The following NOX4 variants were observed in gnomAD, a reference collection of about 807,000 sequenced individuals.
NOX4 encodes the protein NADPH oxidase 4.
NOX4 carries 69 observed loss-of-function variants against 87.6 expected under a neutral mutation model. The ratio of observed to expected loss-of-function variants is 0.79; its 90% confidence interval spans 0.65 to 0.96. The LOEUF is 0.96. Among genes scored for constraint, NOX4 ranks in the 40% least tolerant of loss-of-function variants. NOX4 has a pLI of 0.00. For synonymous variants in NOX4, 275 were observed against 238.2 expected (o/e 1.15, Z -1.42); for missense variants, 680 against 681.5 (o/e 1.00, Z 0.02).
intron 12 of NOX4, among the ~76,000 whole-genome samples, chr11:89,357,927 TAC>T (rs551311603): frequency 6.6e-5 from 10 of 151,052 alleles, no homozygotes; most frequent in South Asian, 6.3e-4. Context: ...TGTGTGTGCA[TAC>T]ACACACACAC....
At chr11:89,534,524 T>C in the NOX4 span, among the ~76,000 whole-genome samples, 1 of 152,212 alleles carries the variant, frequency 6.6e-6, no homozygotes, top group South Asian at 2.1e-4. Flanking sequence ...TAGTTGAATT[T>C]CCCACAGAAT....
intron 8 of NOX4, among the ~76,000 whole-genome samples, chr11:89,417,006 C>T (rs936693992): frequency 2.0e-5 from 3 of 152,114 alleles, no homozygotes; most frequent in African/African-American, 7.2e-5. Context: ...GGACCTTCCC[C>T]TCTATCATTT....
intron 7 of NOX4, among the ~76,000 whole-genome samples, chr11:89,430,755 A>G (rs11018612): frequency 0.072 from 10,971 of 152,240 alleles, 662 homozygotes; most frequent in South Asian, 0.2. Context: ...GGAAGAATCA[A>G]TATCGTGAAA....
chr11:89,343,394 A>G (rs528439028), intron 13 of NOX4, among the ~76,000 whole-genome samples: 2 of 152,240 alleles, frequency 1.3e-5, no homozygotes, highest in East Asian at 1.9e-4. Flanking sequence ...TAAGTCCAGT[A>G]TGAGCTGGGA....
chr11:89,456,829 C>T (rs1945223748), intron 2 of NOX4, among the ~76,000 whole-genome samples: 1 of 152,104 alleles, frequency 6.6e-6, no homozygotes, highest in Admixed American at 6.5e-5. Flanking sequence ...CTAGGGTGCC[C>T]ATCCCCAAAG....
intron 15 of NOX4, among the ~76,000 whole-genome samples, chr11:89,338,170 A>C (rs1052931517): frequency 7.2e-5 from 11 of 152,204 alleles, no homozygotes; most frequent in African/African-American, 2.6e-4. Context: ...GCAAGGATGC[A>C]TATGTAGAGA....
intron 12 of NOX4, among the ~76,000 whole-genome samples, chr11:89,366,700 GAAAA>G (rs11314993): frequency 1.8e-5 from 2 of 113,118 alleles, no homozygotes; most frequent in Admixed American, 9.3e-5. Context: ...AAACTGAAAA[GAAAA>G]AAAAAAAAAA....
At chr11:89,348,258 C>T (rs191230371) in intron 13 of NOX4, among the ~76,000 whole-genome samples, 39 of 151,934 alleles carry the variant, frequency 2.6e-4, no homozygotes, top group South Asian at 8.3e-4. Context: ...CTACTAAAAA[C>T]GCAAAAATTA....
upstream of NOX4, chr11:89,499,112 AT>A (rs1946991077): frequency 6.6e-6 from 1 of 152,412 alleles, no homozygotes; most frequent in Non-Finnish European, 1.5e-5. Context: ...CGCAAGAGGC[AT>A]TTGTAGCTAG....
the NOX4 span, among the ~76,000 whole-genome samples, chr11:89,585,853 C>G: frequency 0.34 from 50,966 of 151,558 alleles, 8,858 homozygotes; most frequent in Middle Eastern, 0.4. Context: ...AAAGAATCTG[C>G]TGACTGATTC....
intron 2 of NOX4, among the ~76,000 whole-genome samples, chr11:89,474,523 G>T (rs1946085243): frequency 6.7e-6 from 1 of 149,400 alleles, no homozygotes; most frequent in African/African-American, 2.5e-5. Flanking sequence ...AATAAATTAT[G>T]GTGTACATTA....
upstream of NOX4, among the ~76,000 whole-genome samples, chr11:89,502,567 A>T (rs1375360604): frequency 6.6e-6 from 1 of 151,860 alleles, no homozygotes; most frequent in Non-Finnish European, 1.5e-5. Flanking sequence ...GAATGGATTG[A>T]CTCTTACATG....
chr11:89,512,518 T>C, the NOX4 span, among the ~76,000 whole-genome samples: 1 of 152,096 alleles, frequency 6.6e-6, no homozygotes. Flanking sequence ...AGTAGAATCA[T>C]GCTGTATTCA....
intron 8 of NOX4, among the ~76,000 whole-genome samples, chr11:89,409,962 G>A (rs1942389339): frequency 6.6e-6 from 1 of 152,042 alleles, no homozygotes; most frequent in Non-Finnish European, 1.5e-5. Flanking sequence ...GCTGGATCAT[G>A]CCTGTAAACC....
rs1945146977 is a variant in NOX4 at position 89,324,516 on chromosome 11, T to G, written c.*2240A>C. ...TGACCTATGTTTAACATTTAACATT[T>G]GAACACCTACTGGAACTTAAATAAG... On this transcript the variant is annotated 3_prime_UTR_variant, in exon 18 of 18. Transcript: ENST00000263317. 1 of 152,184 alleles carries G rather than the reference T, an allele frequency of 6.6e-6. No individual in the cohort carries two copies. The highest frequency in any genetic ancestry group is 1.5e-5 in the Non-Finnish European group (1 of 68,042). The allele number at this position is 152,184 out of a possible 1,614,324, so 9.4% of individuals were successfully genotyped here. A position where few individuals can be genotyped will look rare whatever the true frequency, so the allele number is the denominator to read the frequency against.
chr11:89,512,320 T>C, the NOX4 span, among the ~76,000 whole-genome samples: 2 of 152,088 alleles, frequency 1.3e-5, no homozygotes, highest in Admixed American at 1.3e-4. Context: ...TTGTCAAGTG[T>C]ACAATACAAT....
At chr11:89,531,578 T>C in the NOX4 span, among the ~76,000 whole-genome samples, 1 of 152,182 alleles carries the variant, frequency 6.6e-6, no homozygotes, top group African/African-American at 2.4e-5. Flanking sequence ...TGAGAGTGAC[T>C]GGGTCATGGG....
At chr11:89,547,557 A>T in the NOX4 span, among the ~76,000 whole-genome samples, 2 of 152,178 alleles carry the variant, frequency 1.3e-5, no homozygotes, top group African/African-American at 4.8e-5. Context: ...TTCATGTCTC[A>T]CCCTAAATCT....
intron 8 of NOX4, among the ~76,000 whole-genome samples, chr11:89,407,819 G>T (rs1942269292): frequency 6.7e-6 from 1 of 149,568 alleles, no homozygotes; most frequent in Non-Finnish European, 1.5e-5. Flanking sequence ...CTGACAAAAG[G>T]ACAATGCCAG....
Sources: allele counts gnomAD v4.1 joint callset (sites outside exome capture counted in the v4.1 genomes callset), GRCh38; gene constraint gnomAD v4.1.1; transcripts MANE v1.5; gene names NCBI Gene and HGNC (gene_info 2026-07-23, HGNC 2026-07-21).